The following SHISA6 variants were observed in gnomAD, a reference collection of about 807,000 sequenced individuals.
The protein encoded by SHISA6 is protein shisa-6.
SHISA6 carries 22 observed loss-of-function variants against 47.9 expected under a neutral mutation model. That is an observed-to-expected ratio of 0.46 (90% CI 0.33 to 0.66). SHISA6 has a LOEUF of 0.66. SHISA6 is among the 30% of genes least tolerant of loss of function. SHISA6 has a pLI of 0.02. For synonymous variants in SHISA6, 388 were observed against 337.8 expected (o/e 1.15, Z -1.63); for missense variants, 680 against 764.6 (o/e 0.89, Z 1.30).
chr17:11,324,165 C>T (rs1910800557), intron 2 of SHISA6, among the ~76,000 whole-genome samples: 1 of 152,146 alleles, frequency 6.6e-6, no homozygotes, highest in Non-Finnish European at 1.5e-5. Flanking sequence ...AGCTTTGGTG[C>T]CGCGTTTTCA....
intron 2 of SHISA6, among the ~76,000 whole-genome samples, chr17:11,328,825 C>G (rs1335746718): frequency 6.6e-6 from 1 of 151,954 alleles, no homozygotes; most frequent in Admixed American, 6.6e-5. Context: ...AAAGGGTGCC[C>G]CTTAGATGGA....
At chr17:11,279,877 C>G (rs1035529398) in intron 2 of SHISA6, among the ~76,000 whole-genome samples, 1 of 152,114 alleles carries the variant, frequency 6.6e-6, no homozygotes, top group African/African-American at 2.4e-5. Context: ...TTAGCAGGCT[C>G]ACGCTCTCAG....
intron 3 of SHISA6, among the ~76,000 whole-genome samples, chr17:11,415,933 C>T (rs990579329): frequency 1.3e-5 from 2 of 152,142 alleles, no homozygotes; most frequent in African/African-American, 4.8e-5. Flanking sequence ...AGCCCAGGAT[C>T]GAGGTGATAG....
intron 3 of SHISA6, among the ~76,000 whole-genome samples, chr17:11,451,591 G>A (rs900792530): frequency 6.6e-5 from 10 of 152,206 alleles, no homozygotes; most frequent in African/African-American, 2.4e-4. Context: ...GACTGATAGA[G>A]TGGTTGGACA....
intron 3 of SHISA6, among the ~76,000 whole-genome samples, chr17:11,497,985 C>G (rs1268916599): frequency 6.6e-6 from 1 of 152,162 alleles, no homozygotes; most frequent in African/African-American, 2.4e-5. Flanking sequence ...ATATTCATCC[C>G]CCAGCTCCCA....
At chr17:11,307,143 C>CTTTTTTTTTTTTTTTTT (rs56109461) in intron 2 of SHISA6, among the ~76,000 whole-genome samples, 1 of 145,316 alleles carries the variant, frequency 6.9e-6, no homozygotes, top group Non-Finnish European at 1.5e-5. Flanking sequence ...TGTTTGTTTT[C>CTTTTTTTTTTTTTTTTT]TTTTTTTTTC....
rs554604615 is a variant in SHISA6 at position 11,358,445 on chromosome 17, C to T, written c.800-20969C>T. ...TGCGATCGCCACTCACTGCAAGCTCCGCCTCTTGGGTTCACGCCATTCTCC... is the reference window on the plus strand; with the variant it reads ...TGCGATCGCCACTCACTGCAAGCTCTGCCTCTTGGGTTCACGCCATTCTCC... On this transcript the variant is annotated intron_variant, in intron 2 of 5. Transcript: ENST00000441885. Among the ~76,000 whole-genome samples, 28 of 151,982 alleles carry T rather than the reference C, an allele frequency of 1.8e-4. No individual in the cohort carries two copies. The South Asian group carries it at 4.8e-3, about 26-fold the overall frequency.
chr17:11,385,451 G>T (rs8065704), intron 3 of SHISA6, among the ~76,000 whole-genome samples: 1 of 151,976 alleles, frequency 6.6e-6, no homozygotes, highest in African/African-American at 2.4e-5. Context: ...GAAAAGACAC[G>T]TTTTGGGGCT....
rs548619604 is a variant in SHISA6, at chr17:11,525,631, CAAAAAAAAAA to C, written c.896-26254_896-26245del. On this transcript the variant is annotated intron_variant, in intron 3 of 5. Coordinates refer to ENST00000441885, the MANE Select transcript of SHISA6 (RefSeq NM_207386.4). ...CTGGCAACAGAGCAAGACTCCGTCT[CAAAAAAAAAA>C]AAAAAAAAAACAAAAAAAAAAAAAC... Among the ~76,000 whole-genome samples, 7 of 58,908 alleles carry C rather than the reference CAAAAAAAAAA, an allele frequency of 1.2e-4. No homozygotes were observed. In the Admixed American group the frequency reaches 1.8e-3, roughly 15 times the overall value. The allele number at this position is 58,908 out of a possible 152,430, so 38.6% of individuals were successfully genotyped here. A position where few individuals can be genotyped will look rare whatever the true frequency, so the allele number is the denominator to read the frequency against.
chr17:11,489,874 C>G (rs763679258), intron 3 of SHISA6, among the ~76,000 whole-genome samples: 7 of 152,112 alleles, frequency 4.6e-5, no homozygotes, highest in Non-Finnish European at 1.0e-4. Flanking sequence ...CCCCCCTTCC[C>G]CAACCACCAT....
At chr17:11,436,570 C>T (rs1414660519) in intron 3 of SHISA6, among the ~76,000 whole-genome samples, 1 of 152,138 alleles carries the variant, frequency 6.6e-6, no homozygotes, top group East Asian at 1.9e-4. Context: ...CTTGATTGTA[C>T]TCATACTAAT....
intron 3 of SHISA6, among the ~76,000 whole-genome samples, chr17:11,461,449 G>A (rs997367526): frequency 3.3e-5 from 5 of 151,302 alleles, no homozygotes; most frequent in Non-Finnish European, 4.4e-5. Context: ...AATCAGGTAT[G>A]GTAAGACACA....
At chr17:11,449,301 G>A (rs1915317217) in intron 3 of SHISA6, among the ~76,000 whole-genome samples, 1 of 152,066 alleles carries the variant, frequency 6.6e-6, no homozygotes, top group Admixed American at 6.5e-5. Context: ...AAATTAGCTG[G>A]GCGTGGTAGC....
At chr17:11,440,233 T>C (rs1915058969) in intron 3 of SHISA6, among the ~76,000 whole-genome samples, 1 of 152,112 alleles carries the variant, frequency 6.6e-6, no homozygotes, top group African/African-American at 2.4e-5. Flanking sequence ...ACATAGAAGA[T>C]TGGTAGGAAT....
At chr17:11,547,448 A>C (rs1373357431) in intron 3 of SHISA6, among the ~76,000 whole-genome samples, 2 of 152,134 alleles carry the variant, frequency 1.3e-5, no homozygotes, top group Non-Finnish European at 2.9e-5. Context: ...GAATTTTAAC[A>C]CTCTACTAAA....
Position 11,241,821 on chromosome 17 carries a change from C to T in SHISA6, c.399C>T (p.Arg133=), listed in dbSNP as rs1188216832. Residue 133 remains arginine (R), a synonymous_variant, in exon 1 of 6, where the codon CGC becomes CGT. Transcript: ENST00000441885. This position sits in a 1 kb window ranked among gnomAD's most constrained non-coding sequence, Gnocchi z 5.5. ...ACTACCGCTTCTGCTGCAAGAAGCG[C>T]CACGAGAAGCTGGACCAGCGCCAGT... The part of the protein sequence containing the change: ...TCYYRFCCKK[R]HEKLDQRQCT... 6.4e-7 allele frequency: 1 copy of T among 1,550,838 alleles called. No individual in the cohort carries two copies. Among genetic ancestry groups the T allele is most frequent in the African/African-American group, 1.4e-5 (1 of 73,066 alleles).
chr17:11,537,862 G>C (rs571172972), intron 3 of SHISA6, among the ~76,000 whole-genome samples: 75 of 152,322 alleles, frequency 4.9e-4, no homozygotes, highest in African/African-American at 1.8e-3. Context: ...TTGAGGAAGA[G>C]AGCCTTACAT....
chr17:11,387,664 G>C (rs1913241766), intron 3 of SHISA6, among the ~76,000 whole-genome samples: 1 of 152,180 alleles, frequency 6.6e-6, no homozygotes, highest in Non-Finnish European at 1.5e-5. Context: ...GAATTGGTGG[G>C]GGATGTGAGA....
rs1910624767 is a variant in SHISA6, at chr17:11,319,132, G to A, written c.799+55606G>A. ...CTCGCTCTGTCACCCAGGCTGGAGT[G>A]TAATGGCATGATCTTGGCTCACTGC... On this transcript the variant is annotated intron_variant, in intron 2 of 5. Transcript: ENST00000441885. 2.0e-5 allele frequency among the ~76,000 whole-genome samples: 3 copies of A among 147,582 alleles called. No homozygotes were observed. In the South Asian group the frequency reaches 6.4e-4, roughly 32 times the overall value.
Sources: gnomAD v4.1 joint callset for allele counts (sites outside exome capture counted in the v4.1 genomes callset) on GRCh38, gnomAD v4.1.1 for gene constraint, Gnocchi (gnomAD v3.1) non-coding constraint, MANE v1.5 for transcripts, NCBI Gene and HGNC (gene_info 2026-07-23, HGNC 2026-07-21) for gene names.